The following CREB1 variants were observed in gnomAD, a reference collection of about 807,000 sequenced individuals.
The protein encoded by CREB1 is cAMP responsive element binding protein 1.
CREB1 carries 2 observed loss-of-function variants against 42.0 expected under a neutral mutation model. The observed-to-expected ratio is 0.05, with a 90% CI of 0.02 to 0.15. CREB1 has a LOEUF of 0.15. Among genes scored for constraint, CREB1 ranks in the 10% least tolerant of loss-of-function variants. The probability of loss-of-function intolerance (pLI) is 1.00; values close to 1 mark genes in which losing one functional copy is unlikely to be tolerated. For missense variants in CREB1, 199 were observed against 388.9 expected (o/e 0.51, Z 4.11); for synonymous variants, 123 against 139.9 (o/e 0.88, Z 0.85).
At chr2:207,532,241 G>A (rs1347659705) in intron 1 of CREB1, among the ~76,000 whole-genome samples, 2 of 151,386 alleles carry the variant, frequency 1.3e-5, no homozygotes, top group African/African-American at 2.4e-5. Flanking sequence ...TGTAATCCCA[G>A]CTACTCGGGG....
intron 1 of CREB1, among the ~76,000 whole-genome samples, chr2:207,547,965 C>CA (rs2081359424): frequency 6.6e-6 from 1 of 151,376 alleles, no homozygotes; most frequent in Non-Finnish European, 1.5e-5. Flanking sequence ...GAGTCTCATT[C>CA]ACCGTGTCAC....
At chr2:207,530,778 C>T (rs1004480648) in intron 1 of CREB1, among the ~76,000 whole-genome samples, 4 of 151,966 alleles carry the variant, frequency 2.6e-5, no homozygotes, top group South Asian at 4.1e-4. Flanking sequence ...CAACGTCTGA[C>T]CTACTCTTCT....
At chr2:207,573,074 T>C (rs1224993687) in intron 5 of CREB1, among the ~76,000 whole-genome samples, 4 of 152,254 alleles carry the variant, frequency 2.6e-5, no homozygotes, top group African/African-American at 4.8e-5. Flanking sequence ...CTATGACTCA[T>C]GATGTTTCCC....
intron 1 of CREB1, among the ~76,000 whole-genome samples, chr2:207,537,994 T>C (rs1339294087): frequency 6.6e-6 from 1 of 152,224 alleles, no homozygotes; most frequent in African/African-American, 2.4e-5. Context: ...ATTTGTTTCA[T>C]ATACACATTA....
At chr2:207,538,545 T>C (rs1382084506) in intron 1 of CREB1, among the ~76,000 whole-genome samples, 2 of 152,214 alleles carry the variant, frequency 1.3e-5, no homozygotes, top group Non-Finnish European at 2.9e-5. Flanking sequence ...TTCTTCCTCT[T>C]GGATGATTCT....
intron 7 of CREB1, among the ~76,000 whole-genome samples, chr2:207,589,399 A>G (rs1352062733): frequency 6.6e-6 from 1 of 152,148 alleles, no homozygotes; most frequent in African/African-American, 2.4e-5. Flanking sequence ...ACTTTTAAGA[A>G]TGCTTGTGGT....
At chr2:207,582,944 CAT>C in intron 7 of CREB1, 1 of 178,912 alleles carries the variant, frequency 5.6e-6, no homozygotes, top group South Asian at 1.1e-4. Flanking sequence ...TACACACACA[CAT>C]ACACCTTCAT....
At chr2:207,553,335 C>T (rs1470639939) in intron 1 of CREB1, among the ~76,000 whole-genome samples, 1 of 152,188 alleles carries the variant, frequency 6.6e-6, no homozygotes. Flanking sequence ...TCCTAAAGTG[C>T]TGGGATTACA....
At chr2:207,582,281 T>C in intron 7 of CREB1, 1 of 639,120 alleles carries the variant, frequency 1.6e-6, no homozygotes, top group Non-Finnish European at 2.8e-6. Context: ...TTTAAAGTTT[T>C]GCCCACCAGT....
At chr2:207,576,829 T>C in intron 6 of CREB1, 1 of 1,006,048 alleles carries the variant, frequency 9.9e-7, no homozygotes, top group Non-Finnish European at 1.2e-6. Context: ...GAGAGCATAT[T>C]ATTACGCTGT....
chr2:207,594,427 TC>T (rs1209250557), intron 7 of CREB1, among the ~76,000 whole-genome samples: 1 of 152,154 alleles, frequency 6.6e-6, no homozygotes, highest in Non-Finnish European at 1.5e-5. Context: ...AAGTCCTGTT[TC>T]TATGAATTTG....
intron 7 of CREB1, among the ~76,000 whole-genome samples, chr2:207,579,637 C>A (rs1488800628): frequency 6.6e-6 from 1 of 152,170 alleles, no homozygotes; most frequent in Non-Finnish European, 1.5e-5. Context: ...TGGACTCTTT[C>A]ATAACATTAC....
At chr2:207,579,979 C>T (rs933364160) in intron 7 of CREB1, among the ~76,000 whole-genome samples, 1 of 152,188 alleles carries the variant, frequency 6.6e-6, no homozygotes, top group Non-Finnish European at 1.5e-5. Flanking sequence ...GAACCTTCAT[C>T]CATACCCATG....
intron 1 of CREB1, among the ~76,000 whole-genome samples, chr2:207,552,586 G>A (rs974273537): frequency 4.6e-5 from 7 of 150,922 alleles, no homozygotes; most frequent in Non-Finnish European, 7.4e-5. Flanking sequence ...GGGAGAAAAT[G>A]AAGAAAAAAT....
chr2:207,560,556 TAAAAG>T (rs977072116), intron 3 of CREB1, among the ~76,000 whole-genome samples, 184 bp downstream of exon 3: 1 of 152,038 alleles, frequency 6.6e-6, no homozygotes, highest in African/African-American at 2.4e-5. Context: ...AGAACAAACA[TAAAAG>T]AAAATGACTA....
intron 7 of CREB1, chr2:207,582,854 C>A: frequency 3.1e-6 from 1 of 327,622 alleles, no homozygotes; most frequent in Non-Finnish European, 6.1e-6. Flanking sequence ...GATGGCACTA[C>A]TACTCCAGCC....
chr2:207,580,574 G>A (rs574928247), intron 7 of CREB1: 57 of 217,222 alleles, frequency 2.6e-4, no homozygotes, highest in Non-Finnish European at 4.2e-4. Flanking sequence ...TTTCCCTTAT[G>A]CACATCAAAC....
intron 1 of CREB1, among the ~76,000 whole-genome samples, chr2:207,542,538 G>A (rs1419561458): frequency 6.6e-6 from 1 of 151,994 alleles, no homozygotes; most frequent in Admixed American, 6.6e-5. Flanking sequence ...TGTTGTAATA[G>A]TTGTTTATTA....
rs1033797211 is a variant in CREB1 at position 207,532,428 on chromosome 2, A to T, written c.-9+2294A>T. ...GGTGGCTCACATCTGTAATCCCAGC[A>T]CTTTGGGAAGCCGAGGCAGGCGGCT... On this transcript the variant is annotated intron_variant, in intron 1 of 7. Transcript: ENST00000353267. Among the ~76,000 whole-genome samples the T allele has an allele frequency of 2.0e-5, 3 of 151,944 alleles. No individual in the cohort carries two copies. In the East Asian group the frequency reaches 5.8e-4, roughly 29 times the overall value.
Sources: allele counts gnomAD v4.1 joint callset (sites outside exome capture counted in the v4.1 genomes callset), GRCh38; gene constraint gnomAD v4.1.1; transcripts MANE v1.5; gene names NCBI Gene and HGNC (gene_info 2026-07-23, HGNC 2026-07-21).